The following BCAM variants were observed in gnomAD, a reference collection of about 807,000 sequenced individuals.
BCAM encodes basal cell adhesion molecule.
Under a neutral mutation model 72.4 loss-of-function variants are expected in BCAM, and 61 were observed. The ratio of observed to expected loss-of-function variants is 0.84; its 90% CI spans 0.69 to 1.04. The LOEUF (loss-of-function observed/expected upper bound fraction) is 1.04. BCAM is among the 50% of genes least tolerant of loss of function. The pLI is 0.00. For missense variants in BCAM, 909 were observed against 895.0 expected (o/e 1.02, Z -0.20); for synonymous variants, 408 against 384.2 (o/e 1.06, Z -0.73).
chr19:44,814,903 T>G lies in BCAM; in HGVS notation c.1078+143T>G. On this transcript the variant is annotated intron_variant, in intron 8 of 14. Coordinates refer to ENST00000270233, the MANE Select transcript of BCAM (RefSeq NM_005581.5). The surrounding 1 kb of genome is among the most constrained non-coding windows in gnomAD (Gnocchi z 4.6). ...TCTCTGCATTTCTTGGGGGTTTTTT[T>G]GGTTGTTTTTTTTTTTTTTTTTTTC... 1.9e-6 allele frequency: 2 copies of G among 1,032,628 alleles called. No homozygotes were observed. The highest frequency in any genetic ancestry group is 1.3e-6 in the Non-Finnish European group (1 of 783,358). The allele number at this position is 1,032,628 out of a possible 1,614,324, so 64.0% of individuals were successfully genotyped here.
intron 8 of BCAM, among the ~76,000 whole-genome samples, chr19:44,817,702 G>T (rs929604424): frequency 1.3e-5 from 2 of 152,098 alleles, no homozygotes; most frequent in South Asian, 2.1e-4. Flanking sequence ...GCACCACTAT[G>T]CCCAGCTAGC....
chr19:44,819,818 A>G, intron 13 of BCAM, 92 bp downstream of exon 13: 4 of 1,443,834 alleles, frequency 2.8e-6, no homozygotes, highest in Middle Eastern at 4.5e-4. Flanking sequence ...ACCACATCTT[A>G]TCCTCCACCC....
intron 8 of BCAM, among the ~76,000 whole-genome samples, chr19:44,815,838 G>GCA (rs147388701): frequency 5.4e-4 from 81 of 150,006 alleles, no homozygotes; most frequent in East Asian, 1.4e-3. Flanking sequence ...GACCCCATTT[G>GCA]CACACACACA....
At chr19:44,820,634 CATCCTCAGTT>C in intron 13 of BCAM, 61 bp from the exon 14 acceptor site, 1 of 1,367,682 alleles carries the variant, frequency 7.3e-7, no homozygotes. Flanking sequence ...CACCCACCCC[CATCCTCAGTT>C]CCTCCCCCTG....
chr19:44,819,367 C>T lies in BCAM; in HGVS notation c.1495C>T (p.Arg499Trp), dbSNP rs148391498. 1.2e-3 allele frequency: 1,993 copies of T among 1,614,076 alleles called. 7 individuals carry two copies. Among genetic ancestry groups the T allele is most frequent in the South Asian group, 6.2e-3 (564 of 91,084 alleles). Residue 499 changes from arginine to tryptophan, a missense_variant, in exon 12 of 15, where the codon CGG becomes TGG. Transcript: ENST00000270233. ...ATAGCCCGCAGAGCCAATCCCCGGA[C>T]GGCAGGGTTGGGTGAGCAGCTCTCT... is the stretch of plus-strand genomic sequence containing the variant. ...GGSPAEPIPG[R>W]QGWVSSSLTL...
At position 44,813,515 on chromosome 19, in the gene BCAM, C is replaced by A. The variant is rs150474390; in HGVS notation, c.679C>A (p.Arg227Ser). 2 of 1,612,712 alleles carry A rather than the reference C, an allele frequency of 1.2e-6. No homozygotes were observed. The highest frequency in any genetic ancestry group is 1.7e-6 in the Non-Finnish European group (2 of 1,179,920). ...SLTSTLYLRL[R>S]KDDRDASFHC... Reference sequence around the variant, plus strand: ...CACCAGCACCCTCTACCTGCGGCTCCGCAAGGATGACCGAGACGCCAGCTT... The same window carrying A: ...CACCAGCACCCTCTACCTGCGGCTCAGCAAGGATGACCGAGACGCCAGCTT... Residue 227 changes from arginine (R) to serine (S), a missense_variant, in exon 6 of 15, where the codon CGC becomes AGC. Transcript: ENST00000270233. The surrounding 1 kb of genome is among the most constrained non-coding windows in gnomAD (Gnocchi z 4.2).
chr19:44,820,062 G>A, intron 13 of BCAM: 1 of 1,179,668 alleles, frequency 8.5e-7, no homozygotes, highest in Non-Finnish European at 1.0e-6. Context: ...CTCCATGCCT[G>A]TCTCCAATCC....
At chr19:44,810,051 C>T (rs1054231558) in intron 1 of BCAM, among the ~76,000 whole-genome samples, 24 of 152,106 alleles carry the variant, frequency 1.6e-4, no homozygotes, top group African/African-American at 5.8e-4. Flanking sequence ...GGAATCCAGG[C>T]CCCTGGCACA....
chr19:44,809,316 C>A, intron 1 of BCAM, 110 bp downstream of exon 1: 1 of 931,782 alleles, frequency 1.1e-6, no homozygotes, highest in Non-Finnish European at 1.4e-6. Flanking sequence ...ATGTGGGGAC[C>A]CCAAGGAGGA....
chr19:44,813,382 G>A lies in BCAM; in HGVS notation c.601+36G>A. 6.2e-7 allele frequency: 1 copy of A among 1,610,108 alleles called. No individual in the cohort carries two copies. The highest frequency in any genetic ancestry group is 1.1e-5 in the South Asian group (1 of 90,958). ...CAGGAGCGCGGCGGGACGTGGGCTG[G>A]GGTGGGTGGCGGGGCTATGGCCTGG... is the stretch of plus-strand genomic sequence containing the variant. On this transcript the variant is annotated intron_variant, in intron 5 of 14. Coordinates refer to ENST00000270233, the MANE Select transcript of BCAM (RefSeq NM_005581.5). This position sits in a 1 kb window ranked among gnomAD's most constrained non-coding sequence, Gnocchi z 4.2.
rs977315250 is a variant in BCAM at position 44,812,276 on chromosome 19, C to A, written c.318C>A (p.Ser106=). The A allele has an allele frequency of 1.2e-6, 2 of 1,611,064 alleles. No homozygotes were observed. The highest frequency in any genetic ancestry group is 2.7e-5 in the African/African-American group (2 of 74,836). ...GCAGTCCCCCATACCAGCTGGACTC[C>A]CAGGGGCGCCTGGTGCTGGCTGAGG... ...RGRSPPYQLD[S]QGRLVLAEAQ... The change falls in exon 3 of 15, where the codon TCC becomes TCA. Residue 106 remains serine, a synonymous_variant. Transcript: ENST00000270233. This position sits in a 1 kb window ranked among gnomAD's most constrained non-coding sequence, Gnocchi z 5.3.
At position 44,818,192 on chromosome 19, in the gene BCAM, G is replaced by T. The variant is rs1245702178; in HGVS notation, c.1079-330G>T. ...TAACAGGGAGGTTACCCCACAGGTT[G>T]GGGTTTGAGCAAAAGGTTTGTGTGC... On this transcript the variant is annotated intron_variant, in intron 8 of 14. Transcript: ENST00000270233. The surrounding 1 kb of genome is among the most constrained non-coding windows in gnomAD (Gnocchi z 4.6). Among the ~76,000 whole-genome samples, 1 of 152,170 alleles carries T rather than the reference G, an allele frequency of 6.6e-6. No homozygotes were observed. Among genetic ancestry groups the T allele is most frequent in the Non-Finnish European group, 1.5e-5 (1 of 68,030 alleles).
chr19:44,812,360 T>C lies in BCAM; in HGVS notation c.402T>C (p.Thr134=). 4.3e-6 allele frequency: 7 copies of C among 1,613,796 alleles called. No homozygotes were observed. Among genetic ancestry groups the C allele is most frequent in the Non-Finnish European group, 5.9e-6 (7 of 1,179,850 alleles). The change falls in exon 3 of 15, where the codon ACT becomes ACC. Residue 134 remains threonine (T), a synonymous_variant. Transcript: ENST00000270233. This position sits in a 1 kb window ranked among gnomAD's most constrained non-coding sequence, Gnocchi z 5.3. ...TGGTGAGGGCAGGGGCGGCAGGCACTGCTGAGGCCACTGCGCGGCTCAACG... is the reference window on the plus strand; with the variant it reads ...TGGTGAGGGCAGGGGCGGCAGGCACCGCTGAGGCCACTGCGCGGCTCAACG... The part of the protein sequence containing the change: ...VCVVRAGAAG[T]AEATARLNVF...
Position 44,819,456 on chromosome 19 carries a change from C to CGG in BCAM, c.1586_1587dup (p.Asn530GlyfsTer12). ...TCTCCTGTGAAGCCTCCAACCCCCA[C>CGG]GGGAACAAGCGCCATGTCTTCCACT... On this transcript the variant is annotated frameshift_variant, in exon 12 of 15. Coordinates refer to ENST00000270233, the MANE Select transcript of BCAM (RefSeq NM_005581.5). LOFTEE classifies it high-confidence loss of function. 3 of 1,613,996 alleles carry CGG rather than the reference C, an allele frequency of 1.9e-6. No individual in the cohort carries two copies. Among genetic ancestry groups the CGG allele is most frequent in the Non-Finnish European group, 2.5e-6 (3 of 1,179,912 alleles).
At chr19:44,820,324 A>G in intron 13 of BCAM, 1 of 1,041,710 alleles carries the variant, frequency 9.6e-7, no homozygotes, top group Non-Finnish European at 1.2e-6. Flanking sequence ...CCATGTCCCC[A>G]TCCCCAATCT....
Position 44,818,853 on chromosome 19 carries a change from G to A in BCAM, c.1307G>A (p.Arg436His), listed in dbSNP as rs376225549. ...ASLPTVPVLSRTQNFTLLVQG... is the reference protein window; with the variant it reads ...ASLPTVPVLSHTQNFTLLVQG... ...CTGCCCACAGTCCCGGTCCTCAGCC[G>A]CACCCAGAACTTCACGCTGCTGGTC... Residue 436 changes from arginine (R) to histidine (H), a missense_variant, in exon 10 of 15, where the codon CGC becomes CAC. Physicochemically the swap from Arg to His is conservative, Grantham distance 29. Transcript: ENST00000270233. The surrounding 1 kb of genome is among the most constrained non-coding windows in gnomAD (Gnocchi z 4.6). 57 of 1,613,948 alleles carry A rather than the reference G, an allele frequency of 3.5e-5. No homozygotes were observed. The African/African-American group carries it at 5.3e-4, about 15-fold the overall frequency.
In BCAM at chr19:44,813,525, A is replaced by G. The variant is rs751466131; in HGVS notation, c.689A>G (p.Asp230Gly). The G allele has an allele frequency of 2.5e-6, 4 of 1,612,528 alleles. No homozygotes were observed. The African/African-American group carries it at 5.3e-5, about 22-fold the overall frequency. Residue 230 changes from aspartate (D) to glycine (G), a missense_variant, in exon 6 of 15, where the codon GAC becomes GGC. Asp to Gly is a moderately conservative substitution (Grantham distance 94). Transcript: ENST00000270233. This position sits in a 1 kb window ranked among gnomAD's most constrained non-coding sequence, Gnocchi z 4.2. ...CTCTACCTGCGGCTCCGCAAGGATG[A>G]CCGAGACGCCAGCTTCCACTGCGCC... is the stretch of plus-strand genomic sequence containing the variant. Reference protein sequence around the residue: ...STLYLRLRKDDRDASFHCAAH... With the variant: ...STLYLRLRKDGRDASFHCAAH...
Position 44,811,219 on chromosome 19 carries a change from T to C in BCAM, c.83-6T>C, listed in dbSNP as rs771751091. The C allele has an allele frequency of 3.7e-6, 6 of 1,611,838 alleles. No individual in the cohort carries two copies. The highest frequency in any genetic ancestry group is 2.2e-4 in the Middle Eastern group (1 of 4,584). On this transcript the variant is annotated splice_region_variant and splice_polypyrimidine_tract_variant and intron_variant, in intron 1 of 14. Coordinates refer to ENST00000270233, the MANE Select transcript of BCAM (RefSeq NM_005581.5). ...GGTGGATGATAGCTCAGTTGCTCTC[T>C]TGCAGATGCCCAGGCGGAGGTGCGC...
chr19:44,814,387 C>G lies in BCAM; in HGVS notation c.921+99C>G. 2 of 1,491,852 alleles carry G rather than the reference C, an allele frequency of 1.3e-6. No individual in the cohort carries two copies. The highest frequency in any genetic ancestry group is 2.7e-5 in the South Asian group (2 of 75,446). 92.4% of individuals were successfully genotyped at this position (1,491,852 alleles called of 1,614,324 possible). A position where few individuals can be genotyped will look rare whatever the true frequency, so the allele number is the denominator to read the frequency against. ...TTCTAATGTGGGACCTGGGAGTCCC[C>G]ATGGCTTAGGCAGCCACCTGATCTG... On this transcript the variant is annotated intron_variant, in intron 7 of 14. Coordinates refer to ENST00000270233, the MANE Select transcript of BCAM (RefSeq NM_005581.5). This position sits in a 1 kb window ranked among gnomAD's most constrained non-coding sequence, Gnocchi z 4.6.
Sources: allele counts gnomAD v4.1 joint callset (sites outside exome capture counted in the v4.1 genomes callset), GRCh38; gene constraint gnomAD v4.1.1; non-coding constraint Gnocchi (gnomAD v3.1); transcripts MANE v1.5; gene names NCBI Gene and HGNC (gene_info 2026-07-23, HGNC 2026-07-21).